NEDD9: variants seen among roughly 807,000 people sequenced by gnomAD.
The protein encoded by NEDD9 is enhancer of filamentation 1.
In NEDD9, 26 loss-of-function variants were observed where a neutral mutation model predicts 76.6. The observed-to-expected ratio is 0.34, with a 90% CI of 0.25 to 0.47. The LOEUF is 0.47. Among genes scored for constraint, NEDD9 ranks in the 20% least tolerant of loss-of-function variants. The pLI is 1.00. For synonymous variants in NEDD9, 392 were observed against 414.2 expected (o/e 0.95, Z 0.65); for missense variants, 937 against 1,058.5 (o/e 0.89, Z 1.59).
chr6:11,267,843 A>G (rs575244015), intron 3 of NEDD9, among the ~76,000 whole-genome samples: 2 of 152,286 alleles, frequency 1.3e-5, no homozygotes, highest in African/African-American at 4.8e-5. Flanking sequence ...CTTATAATAG[A>G]AAGTTTATTT....
At chr6:11,297,036 C>CT (rs1369722190) in intron 3 of NEDD9, among the ~76,000 whole-genome samples, 1 of 152,016 alleles carries the variant, frequency 6.6e-6, no homozygotes. Flanking sequence ...GCCGATTTGG[C>CT]TTTTTTTCTT....
chr6:11,353,215 C>T (rs1762503020), intron 1 of NEDD9, among the ~76,000 whole-genome samples: 1 of 152,180 alleles, frequency 6.6e-6, no homozygotes, highest in Non-Finnish European at 1.5e-5. Context: ...GTCTTCCTTC[C>T]CCATGAAAGG....
intron 3 of NEDD9, among the ~76,000 whole-genome samples, chr6:11,285,840 A>C (rs146926057): frequency 2.0e-5 from 3 of 152,214 alleles, no homozygotes; most frequent in African/African-American, 4.8e-5. Flanking sequence ...CATATCTTTC[A>C]TTATATGAAT....
At chr6:11,220,238 C>T (rs978961206) in intron 1 of NEDD9, among the ~76,000 whole-genome samples, 1 of 152,106 alleles carries the variant, frequency 6.6e-6, no homozygotes, top group African/African-American at 2.4e-5. Flanking sequence ...GCATTTCAGG[C>T]AGTAATTTTT....
At chr6:11,188,150 T>TACCTTTCCTTAGTGCTAGGTGGGAA in intron 6 of NEDD9, 68 bp downstream of exon 6, 1 of 1,160,562 alleles carries the variant, frequency 8.6e-7, no homozygotes, top group East Asian at 2.3e-5. Flanking sequence ...CTTGAAGTGA[T>TACCTTTCCTTAGTGCTAGGTGGGAA]ACCTTTCCTT....
chr6:11,310,715 C>G (rs1761339704), intron 2 of NEDD9, among the ~76,000 whole-genome samples: 1 of 152,190 alleles, frequency 6.6e-6, no homozygotes, highest in Non-Finnish European at 1.5e-5. Flanking sequence ...GCGGATGTTT[C>G]AAACTTTCCC....
At chr6:11,225,792 C>T (rs578046345) in intron 1 of NEDD9, among the ~76,000 whole-genome samples, 51 of 142,330 alleles carry the variant, frequency 3.6e-4, no homozygotes, top group Non-Finnish European at 4.9e-4. Flanking sequence ...TGAGCCACCG[C>T]GCCCGGCCTT....
rs1286927741 is a variant in NEDD9 at position 11,184,780 on chromosome 6, C to T, written c.*382G>A. 1 of 166,154 alleles carries T rather than the reference C, an allele frequency of 6.0e-6. No homozygotes were observed. Among genetic ancestry groups the T allele is most frequent in the African/African-American group, 2.4e-5 (1 of 41,290 alleles). The allele number at this position is 166,154 out of a possible 1,614,324, so 10.3% of individuals were successfully genotyped here. On this transcript the variant is annotated 3_prime_UTR_variant, in exon 7 of 7. Coordinates refer to ENST00000379446, the MANE Select transcript of NEDD9 (RefSeq NM_006403.4). ...TTATAACCAGCTGGTATGTTTTTAA[C>T]AACAACAAAAAAAATGCAGCATTAG...
intron 3 of NEDD9, among the ~76,000 whole-genome samples, chr6:11,239,084 T>C (rs1759660828): frequency 6.6e-6 from 1 of 152,236 alleles, no homozygotes; most frequent in Admixed American, 6.5e-5. Flanking sequence ...GGAGGATCAC[T>C]TGAGCCCAGG....
At chr6:11,359,531 A>G (rs1762638890) in intron 1 of NEDD9, among the ~76,000 whole-genome samples, 4 of 152,250 alleles carry the variant, frequency 2.6e-5, no homozygotes, top group African/African-American at 9.6e-5. Context: ...TGCCAGTTCA[A>G]AGTTATCTGT....
chr6:11,251,261 G>C (rs1305947712), intron 3 of NEDD9: 2 of 152,156 alleles, frequency 1.3e-5, no homozygotes, highest in East Asian at 3.8e-4. Context: ...TTTTGCTGTC[G>C]GGGTGGTGGC....
intron 3 of NEDD9, among the ~76,000 whole-genome samples, chr6:11,302,312 C>T (rs1761069466): frequency 6.6e-6 from 1 of 152,126 alleles, no homozygotes; most frequent in Admixed American, 6.6e-5. Flanking sequence ...CAAGACTAAA[C>T]CAGGAAGAAA....
rs758503282 is a variant in NEDD9, at chr6:11,190,177, C to G, written c.1692G>C (p.Leu564Phe). The change falls in exon 5 of 7, where the codon TTG becomes TTC. Residue 564 changes from leucine (L) to phenylalanine (F), a missense_variant. Transcript: ENST00000379446. This position sits in a 1 kb window ranked among gnomAD's most constrained non-coding sequence, Gnocchi z 5.8. ...EALFRPGPGS[L>F]HLKNGPESIM... is the part of the protein sequence containing the mutation. ...TGCTCTCCGGCCCATTCTTCAGATGCAAGCTGCCAGGGCCGGGTCTGAAGA... is the reference window on the plus strand; with the variant it reads ...TGCTCTCCGGCCCATTCTTCAGATGGAAGCTGCCAGGGCCGGGTCTGAAGA... 1.2e-6 allele frequency: 2 copies of G among 1,614,100 alleles called. No homozygotes were observed. The highest frequency in any genetic ancestry group is 4.5e-5 in the East Asian group (2 of 44,896).
At chr6:11,224,370 C>T (rs189064276) in intron 1 of NEDD9, among the ~76,000 whole-genome samples, 1 of 152,302 alleles carries the variant, frequency 6.6e-6, no homozygotes, top group Admixed American at 6.5e-5. Context: ...GCGTTCATTT[C>T]TGCTATTCCC....
Position 11,228,715 on chromosome 6 carries a change from C to G in NEDD9, c.12+3789G>C, listed in dbSNP as rs114424319. On this transcript the variant is annotated intron_variant, in intron 1 of 6. Coordinates refer to ENST00000379446, the MANE Select transcript of NEDD9 (RefSeq NM_006403.4). ...ACTTGCTAAATTTGGTATTATCAGGCACCTTCAGTACTCTAAAGGCTTTTA... is the reference window on the plus strand; with the variant it reads ...ACTTGCTAAATTTGGTATTATCAGGGACCTTCAGTACTCTAAAGGCTTTTA... Among the ~76,000 whole-genome samples the G allele has an allele frequency of 4.5e-3, 679 of 152,186 alleles. 10 individuals are homozygous for G. Among genetic ancestry groups the G allele is most frequent in the African/African-American group, 0.015 (622 of 41,500 alleles).
At position 11,290,682 on chromosome 6, in the gene NEDD9, T is replaced by G. The variant is rs1332117938; in HGVS notation, c.12+15310A>C. Among the ~76,000 whole-genome samples, 3 of 152,078 alleles carry G rather than the reference T, an allele frequency of 2.0e-5. No individual in the cohort carries two copies. The East Asian group carries it at 5.8e-4, about 29-fold the overall frequency. Reference sequence around the variant, plus strand: ...CAAATGAGCCCTTTTATCCATTAATTGGAATTAATAAGGGTGGGCAAGAGG... The same window carrying G: ...CAAATGAGCCCTTTTATCCATTAATGGGAATTAATAAGGGTGGGCAAGAGG... On this transcript the variant is annotated intron_variant, in intron 3 of 3. Transcript: ENST00000397378.
intron 3 of NEDD9, among the ~76,000 whole-genome samples, chr6:11,295,676 C>G (rs1002775835): frequency 2.0e-5 from 3 of 152,182 alleles, no homozygotes; most frequent in African/African-American, 7.2e-5. Flanking sequence ...AAGGACATCC[C>G]AGCTTTGGAG....
intron 1 of NEDD9, among the ~76,000 whole-genome samples, chr6:11,368,107 T>G (rs1015489628): frequency 2.0e-5 from 3 of 152,220 alleles, no homozygotes; most frequent in Non-Finnish European, 4.4e-5. Context: ...TGGAAGCTAC[T>G]GTGCGCAGTC....
At chr6:11,233,600 G>C, upstream of NEDD9, 1 of 497,254 alleles carries the variant, frequency 2.0e-6, no homozygotes. Context: ...GAACGAAAAT[G>C]CCCACTGTTT....
Sources: allele counts gnomAD v4.1 joint callset (sites outside exome capture counted in the v4.1 genomes callset), GRCh38; gene constraint gnomAD v4.1.1; non-coding constraint Gnocchi (gnomAD v3.1); transcripts MANE v1.5; gene names NCBI Gene and HGNC (gene_info 2026-07-23, HGNC 2026-07-21).